SOX5: variants seen among roughly 807,000 people sequenced by gnomAD.
SOX5 encodes SRY-box transcription factor 5.
In SOX5, 9 loss-of-function variants were observed where a neutral mutation model predicts 92.0. That is an observed-to-expected ratio of 0.10 (90% CI 0.06 to 0.17). SOX5 has a LOEUF of 0.17. Ranked by LOEUF, SOX5 falls within the 10% of genes least tolerant of loss-of-function variation. The probability of loss-of-function intolerance (pLI) is 1.00; values close to 1 mark genes in which losing one functional copy is unlikely to be tolerated. For synonymous variants in SOX5, 344 were observed against 336.3 expected (o/e 1.02, Z -0.25); for missense variants, 642 against 944.5 (o/e 0.68, Z 4.20).
intron 1 of SOX5, among the ~76,000 whole-genome samples, chr12:24,436,345 T>C (rs1333754726): frequency 6.6e-6 from 1 of 152,164 alleles, no homozygotes; most frequent in Non-Finnish European, 1.5e-5. Context: ...CTGCAGTGAA[T>C]ACATGAATGA....
chr12:23,608,561 A>C (rs1372172177), intron 8 of SOX5, among the ~76,000 whole-genome samples: 1 of 152,196 alleles, frequency 6.6e-6, no homozygotes, highest in Non-Finnish European at 1.5e-5. Flanking sequence ...AAGCTCCTTG[A>C]AAGATCATGC....
intron 12 of SOX5, among the ~76,000 whole-genome samples, chr12:23,544,843 T>A (rs932496877): frequency 3.8e-4 from 58 of 152,338 alleles, no homozygotes; most frequent in Non-Finnish European, 6.9e-4. Flanking sequence ...AACATCTTCC[T>A]AAAATGGGTT....
intron 4 of SOX5, among the ~76,000 whole-genome samples, chr12:23,965,563 T>A (rs779045782): frequency 5.2e-4 from 79 of 152,278 alleles, no homozygotes; most frequent in Middle Eastern, 3.4e-3. Flanking sequence ...CCACAACCAC[T>A]CCACAAACGT....
At chr12:23,832,750 A>G (rs1012257292) in intron 3 of SOX5, among the ~76,000 whole-genome samples, 3 of 151,438 alleles carry the variant, frequency 2.0e-5, no homozygotes, top group Admixed American at 6.6e-5. Flanking sequence ...GCAAGTAAAT[A>G]TATTTTTTTA....
chr12:23,538,801 T>TTTTC (rs1941217472), intron 13 of SOX5, among the ~76,000 whole-genome samples: 2 of 20,140 alleles, frequency 9.9e-5, no homozygotes, highest in African/African-American at 1.8e-4. Flanking sequence ...AGCATTTTCT[T>TTTTC]TTTTTTTTTT....
intron 3 of SOX5, 135 bp downstream of exon 3, chr12:23,845,848 G>A (rs913956806): frequency 3.9e-5 from 27 of 685,900 alleles, no homozygotes; most frequent in Non-Finnish European, 5.5e-5. Flanking sequence ...TATACCAACC[G>A]TCTTCATAGC....
chr12:23,853,180 T>C (rs771467101), intron 2 of SOX5, among the ~76,000 whole-genome samples: 3 of 150,720 alleles, frequency 2.0e-5, no homozygotes, highest in Non-Finnish European at 3.0e-5. Flanking sequence ...AATTTTTTAA[T>C]AGTCATTTTG....
chr12:24,331,665 T>C (rs1012263172), intron 2 of SOX5, among the ~76,000 whole-genome samples: 8 of 151,466 alleles, frequency 5.3e-5, no homozygotes, highest in African/African-American at 1.2e-4. Context: ...CTGGCCAACA[T>C]CATGAAACCC....
intron 4 of SOX5, among the ~76,000 whole-genome samples, chr12:23,754,584 G>A (rs760628239): frequency 2.7e-4 from 41 of 151,718 alleles, no homozygotes; most frequent in Non-Finnish European, 4.0e-4. Context: ...AATTCCAAAT[G>A]ATCTGCATGG....
intron 4 of SOX5, 54 bp from the exon 5 acceptor site, chr12:23,741,093 T>G: frequency 2.8e-6 from 4 of 1,417,152 alleles, no homozygotes; most frequent in Non-Finnish European, 3.8e-6. Context: ...AAGTAATTAT[T>G]TCAATGAAAA....
intron 8 of SOX5, among the ~76,000 whole-genome samples, chr12:23,615,218 T>C (rs1314547415): frequency 6.6e-6 from 1 of 152,218 alleles, no homozygotes; most frequent in African/African-American, 2.4e-5. Flanking sequence ...CATCTTTTCA[T>C]GTACTTATTA....
chr12:23,567,583 C>A (rs1053404839), intron 10 of SOX5, among the ~76,000 whole-genome samples: 1 of 150,896 alleles, frequency 6.6e-6, no homozygotes, highest in South Asian at 2.1e-4. Flanking sequence ...GCCTCAGCCT[C>A]CTGAGTAGCT....
intron 4 of SOX5, among the ~76,000 whole-genome samples, chr12:24,020,805 C>A (rs537926525): frequency 1.3e-5 from 2 of 152,302 alleles, no homozygotes; most frequent in East Asian, 3.9e-4. Context: ...TTGTAGTCCT[C>A]TTGTCACTGG....
chr12:24,111,014 T>C (rs996024010), intron 4 of SOX5, among the ~76,000 whole-genome samples: 2 of 151,972 alleles, frequency 1.3e-5, no homozygotes, highest in Non-Finnish European at 2.9e-5. Flanking sequence ...CATTAATACT[T>C]TGGGTCCAAC....
intron 4 of SOX5, among the ~76,000 whole-genome samples, chr12:24,197,131 T>A (rs1957081462): frequency 6.6e-6 from 1 of 152,188 alleles, no homozygotes; most frequent in African/African-American, 2.4e-5. Context: ...AATTAGCATT[T>A]TGGAAGGCAG....
At chr12:24,388,230 G>A (rs1022054922) in intron 1 of SOX5, among the ~76,000 whole-genome samples, 3 of 152,074 alleles carry the variant, frequency 2.0e-5, no homozygotes, top group Non-Finnish European at 4.4e-5. Flanking sequence ...CTCAGTTTTG[G>A]AGTGACACAA....
chr12:24,041,205 TTCTC>T (rs1303781644), intron 4 of SOX5, among the ~76,000 whole-genome samples: 1 of 152,164 alleles, frequency 6.6e-6, no homozygotes, highest in Non-Finnish European at 1.5e-5. Context: ...AAATGGGGCT[TTCTC>T]TATCTTTTGA....
At chr12:23,612,616 T>C (rs1031062500) in intron 8 of SOX5, among the ~76,000 whole-genome samples, 4 of 152,180 alleles carry the variant, frequency 2.6e-5, no homozygotes, top group African/African-American at 9.7e-5. Flanking sequence ...AATTAACATA[T>C]ATGCAATGTG....
chr12:23,593,785 T>A (rs890181815), intron 9 of SOX5, among the ~76,000 whole-genome samples: 1 of 152,090 alleles, frequency 6.6e-6, no homozygotes, highest in African/African-American at 2.4e-5. Flanking sequence ...TGGCGTTGCA[T>A]GTTTATATGA....
Sources: gnomAD v4.1 joint callset for allele counts (sites outside exome capture counted in the v4.1 genomes callset) on GRCh38, gnomAD v4.1.1 for gene constraint, MANE v1.5 for transcripts, NCBI Gene and HGNC (gene_info 2026-07-23, HGNC 2026-07-21) for gene names.